Variants in GATAD2A observed in about 807,000 individuals in gnomAD.
GATAD2A encodes the protein transcriptional repressor p66-alpha.
A neutral mutation model predicts 68.5 loss-of-function variants in GATAD2A; 12 were observed. The ratio of observed to expected loss-of-function variants is 0.18; its 90% CI spans 0.11 to 0.28. The LOEUF (loss-of-function observed/expected upper bound fraction) is 0.28, where lower values mean the gene tolerates loss of function less well. GATAD2A is among the 10% of genes least tolerant of loss of function. The pLI is 1.00. For missense variants in GATAD2A, 755 were observed against 868.5 expected, an observed-to-expected ratio of 0.87 and a Z score of 1.64; for synonymous variants, 410 against 375.3, an observed-to-expected ratio of 1.09 and a Z score of -1.07.
intron 8 of GATAD2A, 141 bp downstream of exon 8, chr19:19,498,863 C>T (rs1480322852): frequency 7.4e-6 from 5 of 675,314 alleles, no homozygotes; most frequent in African/African-American, 3.6e-5. Context: ...GCAGGGACAC[C>T]GTCAGTGCCA....
chr19:19,482,749 T>TA (rs1197787701), intron 2 of GATAD2A, among the ~76,000 whole-genome samples: 1 of 152,180 alleles, frequency 6.6e-6, no homozygotes, highest in East Asian at 1.9e-4. Context: ...ACCTGAAAAG[T>TA]TAGCCTTTCA....
At chr19:19,440,446 AT>A (rs1600130769) in intron 1 of GATAD2A, 1 of 225,358 alleles carries the variant, frequency 4.4e-6, no homozygotes, top group Non-Finnish European at 9.0e-6. Context: ...AATTTTTTAT[AT>A]TTTTAGTAGA....
intron 2 of GATAD2A, among the ~76,000 whole-genome samples, chr19:19,471,991 G>C (rs2148116603): frequency 6.6e-6 from 1 of 152,318 alleles, no homozygotes; most frequent in Non-Finnish European, 1.5e-5. Flanking sequence ...GAACACCTCG[G>C]CTCAAGCCAC....
chr19:19,432,163 C>G (rs771796320), intron 1 of GATAD2A, among the ~76,000 whole-genome samples: 1 of 151,958 alleles, frequency 6.6e-6, no homozygotes, highest in Non-Finnish European at 1.5e-5. Context: ...TTAATAGGGA[C>G]AGGGTTTCTT....
rs914108064 is a variant in GATAD2A, at chr19:19,508,311, C to T, written c.*2837C>T. The T allele has an allele frequency of 6.6e-6, 1 of 152,356 alleles. No homozygotes were observed. The highest frequency in any genetic ancestry group is 2.4e-5 in the African/African-American group (1 of 41,462). 9.4% of individuals were successfully genotyped at this position (152,356 alleles called of 1,614,324 possible). A position where few individuals can be genotyped will look rare whatever the true frequency, so the allele number is the denominator to read the frequency against. Reference sequence around the variant, plus strand: ...CCTCCCACAGCTATGGCCGTCCTGACCTCATCCCAGGAACTCTACGGTGAC... The same window carrying T: ...CCTCCCACAGCTATGGCCGTCCTGATCTCATCCCAGGAACTCTACGGTGAC... On this transcript the variant is annotated 3_prime_UTR_variant, in exon 12 of 12. Coordinates refer to ENST00000683918, the MANE Select transcript of GATAD2A (RefSeq NM_001384528.1).
At chr19:19,499,578 C>T (rs966298307) in intron 8 of GATAD2A, among the ~76,000 whole-genome samples, 3 of 152,140 alleles carry the variant, frequency 2.0e-5, no homozygotes, top group Non-Finnish European at 2.9e-5. Context: ...GGGGCCAGGT[C>T]GAGCTGTGCC....
At chr19:19,457,523 G>A (rs568611611) in intron 1 of GATAD2A, among the ~76,000 whole-genome samples, 75 of 152,212 alleles carry the variant, frequency 4.9e-4, no homozygotes, top group Middle Eastern at 6.8e-3. Flanking sequence ...GGCGGATCAC[G>A]AGGTCAGGAG....
At position 19,507,791 on chromosome 19, in the gene GATAD2A, G is replaced by A. The variant is rs2060931315; in HGVS notation, c.*2317G>A. The A allele has an allele frequency of 6.6e-6, 1 of 152,108 alleles. No homozygotes were observed. Among genetic ancestry groups the A allele is most frequent in the Non-Finnish European group, 1.5e-5 (1 of 68,034 alleles). The allele number at this position is 152,108 out of a possible 1,614,324, so 9.4% of individuals were successfully genotyped here. A position where few individuals can be genotyped will look rare whatever the true frequency, so the allele number is the denominator to read the frequency against. On this transcript the variant is annotated 3_prime_UTR_variant, in exon 12 of 12. Transcript: ENST00000683918. ...CCCCCAGGGGGCAAAAGTGTGAGAT[G>A]CCTTAATCTTTCCTTCATTTCTGCT...
chr19:19,404,256 C>CA (rs1015140151), upstream of GATAD2A, among the ~76,000 whole-genome samples: 2 of 145,994 alleles, frequency 1.4e-5, no homozygotes, highest in African/African-American at 5.1e-5. Flanking sequence ...AGCAGAAAAA[C>CA]AATTTTTTTT....
chr19:19,493,633 G>C (rs2059953550), intron 4 of GATAD2A, among the ~76,000 whole-genome samples: 1 of 152,178 alleles, frequency 6.6e-6, no homozygotes, highest in African/African-American at 2.4e-5. Context: ...CAGTGACCCA[G>C]AAAGTAAGTG....
At chr19:19,429,105 C>T in intron 1 of GATAD2A, 4 of 754,296 alleles carry the variant, frequency 5.3e-6, no homozygotes, top group Non-Finnish European at 6.5e-6. Context: ...TTTGTAGTCT[C>T]CTCCTCCGTG....
At chr19:19,386,547 A>C (rs1056755441) in intron 1 of GATAD2A, among the ~76,000 whole-genome samples, 1 of 150,376 alleles carries the variant, frequency 6.6e-6, no homozygotes, top group Non-Finnish European at 1.5e-5. Flanking sequence ...CCATCTCTCC[A>C]GGCAGGGGAC....
At position 19,465,315 on chromosome 19, in the gene GATAD2A, G is replaced by A. The variant is rs751482078; in HGVS notation, c.-6-25G>A. ...CACCTTCATTGCACCCAGTTAAAAT[G>A]TTGTGTCTTCTCCTCCCTCCCAAGT... On this transcript the variant is annotated intron_variant, in intron 1 of 11. Coordinates refer to ENST00000683918, the MANE Select transcript of GATAD2A (RefSeq NM_001384528.1). The A allele has an allele frequency of 3.1e-6, 5 of 1,592,760 alleles. No individual in the cohort carries two copies. In the East Asian group the frequency reaches 6.7e-5, roughly 21 times the overall value.
chr19:19,385,985 C>T (rs1483089316), exon 1 of GATAD2A: 4 of 149,894 alleles, frequency 2.7e-5, no homozygotes, highest in African/African-American at 9.7e-5. Flanking sequence ...GTCGGTCGGT[C>T]GGTCGTCTGT....
At chr19:19,479,351 C>G (rs554192363) in intron 2 of GATAD2A, among the ~76,000 whole-genome samples, 1 of 152,210 alleles carries the variant, frequency 6.6e-6, no homozygotes, top group Admixed American at 6.5e-5. Context: ...TGTTAACAGA[C>G]TACAGAACAT....
At chr19:19,401,628 A>G (rs561135821), upstream of GATAD2A, among the ~76,000 whole-genome samples, 51 of 152,096 alleles carry the variant, frequency 3.4e-4, no homozygotes, top group African/African-American at 1.2e-3. Context: ...TGGGCTCCAA[A>G]ATCCTTGGGA....
rs375279018 is a variant in GATAD2A at position 19,492,380 on chromosome 19, C to G, written c.344C>G (p.Pro115Arg). The change falls in exon 3 of 12, where the codon CCG becomes CGG. Residue 115 changes from proline to arginine, a missense_variant. Transcript: ENST00000683918. ...TCCGACAACGAGCAGCCCTCGAGCC[C>G]GAGAGTGAATGGGCTGACCACGGTG... ...VLSDNEQPSS[P>R]RVNGLTTVAL... 1 of 1,613,474 alleles carries G rather than the reference C, an allele frequency of 6.2e-7. No homozygotes were observed. The highest frequency in any genetic ancestry group is 8.5e-7 in the Non-Finnish European group (1 of 1,179,682).
At chr19:19,387,686 C>G (rs1451455233) in intron 1 of GATAD2A, among the ~76,000 whole-genome samples, 1 of 152,176 alleles carries the variant, frequency 6.6e-6, no homozygotes, top group Non-Finnish European at 1.5e-5. Context: ...GCCCATCTGA[C>G]TGGATCGTTA....
chr19:19,442,471 T>C (rs1266058347), intron 1 of GATAD2A, among the ~76,000 whole-genome samples: 2 of 151,872 alleles, frequency 1.3e-5, no homozygotes, highest in African/African-American at 4.8e-5. Context: ...ACTGAAAATA[T>C]AAAAATTAGC....
Sources: gnomAD v4.1 joint callset for allele counts (sites outside exome capture counted in the v4.1 genomes callset) on GRCh38, gnomAD v4.1.1 for gene constraint, MANE v1.5 for transcripts, NCBI Gene and HGNC (gene_info 2026-07-23, HGNC 2026-07-21) for gene names.